Variants in RAB28 observed in about 807,000 individuals in gnomAD.
RAB28 encodes RAB28, member RAS oncogene family, also known as ras-related protein Rab-28.
A neutral mutation model predicts 31.7 loss-of-function variants in RAB28; 24 were observed. The observed-to-expected ratio is 0.76, with a 90% CI of 0.55 to 1.06. The LOEUF is 1.06. RAB28 is among the 50% of genes least tolerant of loss of function. RAB28 has a pLI of 0.00. For synonymous variants in RAB28, 100 were observed against 90.4 expected, an observed-to-expected ratio of 1.11 and a Z score of -0.60; for missense variants, 254 against 258.5, an observed-to-expected ratio of 0.98 and a Z score of 0.12.
At chr4:13,390,155 A>C (rs1394801014) in intron 4 of RAB28, among the ~76,000 whole-genome samples, 1 of 152,124 alleles carries the variant, frequency 6.6e-6, no homozygotes, top group Non-Finnish European at 1.5e-5. Context: ...TATTTCGAAA[A>C]CCCCATCTTC....
chr4:13,462,754 T>C (rs997662097), intron 3 of RAB28, among the ~76,000 whole-genome samples: 2 of 152,204 alleles, frequency 1.3e-5, no homozygotes, highest in Non-Finnish European at 2.9e-5. Context: ...TTTTGGTCAC[T>C]TGAACATCTG....
rs1412520064 is a variant in RAB28 at position 13,381,561 on chromosome 4, T to C, written c.425A>G (p.Glu142Gly). ...DLEHMRTIKP[E>G]KHLRFCQENG... ...TTCCTGGCAAAACCGTAAGTGTTTTTCAGGTTTTATTGTTCGCATATGCTC... is the reference window on the plus strand; with the variant it reads ...TTCCTGGCAAAACCGTAAGTGTTTTCCAGGTTTTATTGTTCGCATATGCTC... Residue 142 changes from glutamate to glycine, a missense_variant, in exon 5 of 7, where the codon GAA becomes GGA. Transcript: ENST00000330852. 1.2e-6 allele frequency: 2 copies of C among 1,613,304 alleles called. No homozygotes were observed. Among genetic ancestry groups the C allele is most frequent in the African/African-American group, 1.3e-5 (1 of 74,922 alleles).
At chr4:13,370,249 T>A (rs1415442180) in intron 6 of RAB28, 2 of 965,534 alleles carry the variant, frequency 2.1e-6, no homozygotes, top group Non-Finnish European at 2.5e-6. Flanking sequence ...ACTTCCCAAA[T>A]TGTAAGTTCC....
At chr4:13,386,942 G>A (rs1257371427) in intron 4 of RAB28, among the ~76,000 whole-genome samples, 2 of 151,952 alleles carry the variant, frequency 1.3e-5, no homozygotes, top group Non-Finnish European at 2.9e-5. Context: ...TGTCCTTTGT[G>A]GGAACATGGA....
At position 13,479,500 on chromosome 4, in the gene RAB28, T is replaced by C; in HGVS notation, c.102A>G (p.Gln34=). 3 of 1,608,316 alleles carry C rather than the reference T, an allele frequency of 1.9e-6. No individual in the cohort carries two copies. Among genetic ancestry groups the C allele is most frequent in the Non-Finnish European group, 8.5e-7 (1 of 1,176,036 alleles). Residue 34 remains glutamine, a synonymous_variant, in exon 2 of 7, where the codon CAA becomes CAG. Transcript: ENST00000330852. ...GKTSLTTCFA[Q]ETFGKQYKQT... ...GTTTGTACTGTTTCCCAAAAGTTTC[T>C]TGAGCAAAACACGTAGTTAAGGAGG...
At chr4:13,370,973 C>A (rs1237609792) in intron 6 of RAB28, 4 of 982,550 alleles carry the variant, frequency 4.1e-6, no homozygotes, top group Admixed American at 6.2e-5. Flanking sequence ...AGATTTAAAC[C>A]TATCCTCGCT....
intron 4 of RAB28, among the ~76,000 whole-genome samples, chr4:13,457,867 T>C (rs917269388): frequency 6.6e-6 from 1 of 152,266 alleles, no homozygotes; most frequent in African/African-American, 2.4e-5. Context: ...TCCCTAGTGG[T>C]AGTTAGATTA....
At chr4:13,468,908 AG>A (rs113634089) in intron 3 of RAB28, among the ~76,000 whole-genome samples, 2 of 152,014 alleles carry the variant, frequency 1.3e-5, no homozygotes, top group African/African-American at 4.8e-5. Flanking sequence ...CCGATCCCAT[AG>A]ACATTAAAAA....
chr4:13,474,002 C>T (rs1041988437), intron 3 of RAB28: 14 of 408,784 alleles, frequency 3.4e-5, no homozygotes, highest in Non-Finnish European at 6.6e-5. Flanking sequence ...AAAGCAGTCA[C>T]TATAACAAAA....
chr4:13,380,198 G>A (rs963704652), intron 5 of RAB28, among the ~76,000 whole-genome samples: 14 of 152,000 alleles, frequency 9.2e-5, no homozygotes, highest in African/African-American at 3.4e-4. Flanking sequence ...AAGGATTCCA[G>A]GAGGCCAAAT....
At chr4:13,401,531 T>A (rs75375734) in intron 4 of RAB28, among the ~76,000 whole-genome samples, 9,195 of 152,178 alleles carry the variant, frequency 0.06, 643 homozygotes, top group African/African-American at 0.17. Context: ...AAAATAATTT[T>A]AAAAAAAATT....
chr4:13,450,085 T>G (rs1356768250), intron 4 of RAB28, among the ~76,000 whole-genome samples: 1 of 151,858 alleles, frequency 6.6e-6, no homozygotes, highest in Non-Finnish European at 1.5e-5. Context: ...GAAGTTAATA[T>G]TCCTGAATTT....
rs191780055 is a variant in RAB28, at chr4:13,444,680, G to A, written c.391+16019C>T. On this transcript the variant is annotated intron_variant, in intron 4 of 6. Coordinates refer to ENST00000330852, the MANE Select transcript of RAB28 (RefSeq NM_001017979.3). ...GCCAATACTTACCTTTTGTCTTTTT[G>A]ATAACAGCCATCTAAGAAGTGTGTG... is the stretch of plus-strand genomic sequence containing the variant. 9.3e-4 allele frequency among the ~76,000 whole-genome samples: 141 copies of A among 152,224 alleles called. 1 individual carries two copies. The South Asian group carries it at 0.017, about 19-fold the overall frequency.
At chr4:13,424,043 C>A (rs191211208) in intron 4 of RAB28, among the ~76,000 whole-genome samples, 1 of 152,184 alleles carries the variant, frequency 6.6e-6, no homozygotes, top group African/African-American at 2.4e-5. Context: ...TAAAAACATT[C>A]TATTCATCGG....
intron 4 of RAB28, among the ~76,000 whole-genome samples, chr4:13,430,754 T>A (rs1305678029): frequency 6.6e-6 from 1 of 152,170 alleles, no homozygotes. Flanking sequence ...TAACCCACTC[T>A]GACTTTGGCA....
intron 4 of RAB28, among the ~76,000 whole-genome samples, chr4:13,450,827 A>G (rs1170585876): frequency 1.3e-5 from 2 of 151,848 alleles, no homozygotes; most frequent in East Asian, 3.8e-4. Context: ...CAAGCATAGG[A>G]AATTCTAAGT....
At chr4:13,399,370 C>T (rs141707340) in intron 4 of RAB28, among the ~76,000 whole-genome samples, 14 of 152,238 alleles carry the variant, frequency 9.2e-5, no homozygotes, top group Non-Finnish European at 1.8e-4. Flanking sequence ...CAAGTTGTTC[C>T]CAACTGTTAA....
At chr4:13,483,458 A>G (rs145673244) in intron 1 of RAB28, among the ~76,000 whole-genome samples, 5 of 152,356 alleles carry the variant, frequency 3.3e-5, no homozygotes, top group African/African-American at 1.2e-4. Context: ...AATAGCAACT[A>G]GAGTGTACTG....
intron 4 of RAB28, 82 bp from the exon 5 acceptor site, chr4:13,381,676 T>C: frequency 3.0e-6 from 3 of 983,676 alleles, no homozygotes; most frequent in Non-Finnish European, 4.5e-6. Context: ...TTGACTTGCT[T>C]TCCAATATTA....
Sources: allele counts gnomAD v4.1 joint callset (sites outside exome capture counted in the v4.1 genomes callset), GRCh38; gene constraint gnomAD v4.1.1; transcripts MANE v1.5; gene names NCBI Gene and HGNC (gene_info 2026-07-23, HGNC 2026-07-21).